PCDHA10: variants seen among roughly 807,000 people sequenced by gnomAD.
The protein encoded by PCDHA10 is protocadherin alpha-10.
Under a neutral mutation model 61.2 loss-of-function variants are expected in PCDHA10, and 45 were observed. That is an observed-to-expected ratio of 0.74 (90% CI 0.58 to 0.94). The LOEUF (loss-of-function observed/expected upper bound fraction) is 0.94, where lower values mean the gene tolerates loss of function less well. Among genes scored for constraint, PCDHA10 ranks in the 40% least tolerant of loss-of-function variants. The probability of loss-of-function intolerance (pLI) is 0.00; values close to 1 mark genes in which losing one functional copy is unlikely to be tolerated. For synonymous variants in PCDHA10, 602 were observed against 548.8 expected, an observed-to-expected ratio of 1.10 and a Z score of -1.35; for missense variants, 1,278 against 1,236.2, an observed-to-expected ratio of 1.03 and a Z score of -0.51.
intron 1 of PCDHA10, among the ~76,000 whole-genome samples, chr5:140,961,103 A>G (rs531762252): frequency 6.6e-6 from 1 of 152,254 alleles, no homozygotes; most frequent in South Asian, 2.1e-4. Context: ...TTGGTCACCC[A>G]ACCCCCTTGC....
chr5:141,000,393 CTCTATATA>C (rs1486021873), intron 3 of PCDHA10, among the ~76,000 whole-genome samples: 100 of 52,828 alleles, frequency 1.9e-3, no homozygotes, highest in Middle Eastern at 0.012. Context: ...CTCTCTCTCT[CTCTATATA>C]TATATATATA....
At chr5:140,862,972 C>T (rs1554157331) in intron 1 of PCDHA10, 1 of 545,254 alleles carries the variant, frequency 1.8e-6, no homozygotes, top group Non-Finnish European at 3.6e-6. Flanking sequence ...ATGCAGGCCA[C>T]TTGGTGGCGA....
chr5:140,998,059 C>T (rs1471709750), intron 3 of PCDHA10, among the ~76,000 whole-genome samples: 1 of 152,154 alleles, frequency 6.6e-6, no homozygotes, highest in East Asian at 1.9e-4. Context: ...ACATCATCAT[C>T]AACAGACTTA....
chr5:140,857,485 G>T lies in PCDHA10; in HGVS notation c.1437G>T (p.Trp479Cys), dbSNP rs1554150101. The change falls in exon 1 of 4, where the codon TGG becomes TGT. Residue 479 changes from tryptophan (W) to cysteine (C), a missense_variant. Physicochemically the swap from Trp to Cys is radical, Grantham distance 215. Coordinates refer to ENST00000307360, the MANE Select transcript of PCDHA10 (RefSeq NM_018901.4). ...PGCHIFTVSA[W>C]DADAQENALV... ...GCCACATCTTCACGGTGTCTGCGTG[G>T]GACGCGGACGCGCAGGAGAACGCCC... is the stretch of plus-strand genomic sequence containing the variant. 6.3e-7 allele frequency: 1 copy of T among 1,598,484 alleles called. No individual in the cohort carries two copies. The highest frequency in any genetic ancestry group is 1.7e-5 in the Admixed American group (1 of 59,352).
At position 140,858,178 on chromosome 5, in the gene PCDHA10, G is replaced by A. The variant is rs887914398; in HGVS notation, c.2130G>A (p.Val710=). The A allele has an allele frequency of 6.3e-7, 1 of 1,597,564 alleles. No individual in the cohort carries two copies. Among genetic ancestry groups the A allele is most frequent in the East Asian group, 2.2e-5 (1 of 44,822 alleles). The part of the protein sequence containing the change: ...IAICAVSSLL[V]LTLLLYTALR... Reference sequence around the variant, plus strand: ...TCTGCGCGGTGTCCAGCTTGCTGGTGCTCACGCTGCTGCTGTACACTGCAC... The same window carrying A: ...TCTGCGCGGTGTCCAGCTTGCTGGTACTCACGCTGCTGCTGTACACTGCAC... Residue 710 remains valine, a synonymous_variant, in exon 1 of 4, where the codon GTG becomes GTA. Coordinates refer to ENST00000307360, the MANE Select transcript of PCDHA10 (RefSeq NM_018901.4).
intron 3 of PCDHA10, among the ~76,000 whole-genome samples, chr5:141,002,107 C>T (rs991036721): frequency 6.6e-6 from 1 of 152,246 alleles, no homozygotes. Context: ...GGGCCGGAAA[C>T]GGCTATAATC....
intron 3 of PCDHA10, among the ~76,000 whole-genome samples, chr5:141,004,046 C>A (rs79317939): frequency 0.03 from 4,581 of 152,294 alleles, 86 homozygotes; most frequent in Non-Finnish European, 0.047. Flanking sequence ...TGATCATTTG[C>A]TGATACTGGC....
At chr5:140,971,435 T>A (rs1188604248) in intron 1 of PCDHA10, among the ~76,000 whole-genome samples, 1 of 152,190 alleles carries the variant, frequency 6.6e-6, no homozygotes, top group Non-Finnish European at 1.5e-5. Flanking sequence ...AACCCCAAGA[T>A]CTACAGCTCC....
At chr5:140,929,249 G>C (rs1212088369) in intron 1 of PCDHA10, 14 of 1,613,366 alleles carry the variant, frequency 8.7e-6, no homozygotes, top group Non-Finnish European at 1.2e-5. Flanking sequence ...CTTGCCACTG[G>C]GGTAGGACTG....
intron 1 of PCDHA10, among the ~76,000 whole-genome samples, chr5:140,910,102 A>G (rs1206018595): frequency 2.6e-5 from 4 of 152,184 alleles, no homozygotes; most frequent in African/African-American, 9.7e-5. Context: ...CCTCCCCTTC[A>G]TTTAAGGGAT....
intron 1 of PCDHA10, among the ~76,000 whole-genome samples, chr5:140,894,188 A>AT (rs1157134749): frequency 1.1e-4 from 17 of 152,072 alleles, no homozygotes; most frequent in African/African-American, 4.1e-4. Flanking sequence ...ATAGTTATAT[A>AT]TTTTTTCTAT....
intron 1 of PCDHA10, among the ~76,000 whole-genome samples, chr5:140,941,202 C>CTTTCTTTCTTTCTTTCTTTCTTT (rs1554213921): frequency 9.0e-5 from 11 of 122,780 alleles, no homozygotes; most frequent in East Asian, 8.9e-4. Flanking sequence ...TTTCTTTCTT[C>CTTTCTTTCTTTCTTTCTTTCTTT]CTTTCTTTCT....
chr5:141,000,385 CTCTCTCTCTCTA>C (rs1405113604), intron 3 of PCDHA10, among the ~76,000 whole-genome samples: 12 of 64,976 alleles, frequency 1.8e-4, no homozygotes, highest in Admixed American at 6.0e-4. Context: ...CTCTCTCTCT[CTCTCTCTCTCTA>C]TATATATATA....
chr5:140,903,401 T>C (rs577425497), intron 1 of PCDHA10, among the ~76,000 whole-genome samples: 1 of 152,218 alleles, frequency 6.6e-6, no homozygotes, highest in Non-Finnish European at 1.5e-5. Context: ...GAAACAGTAG[T>C]GCAGTCAGGA....
intron 1 of PCDHA10, chr5:140,927,060 CT>C: frequency 1.2e-6 from 2 of 1,611,446 alleles, no homozygotes; most frequent in Non-Finnish European, 1.7e-6. Context: ...GGAACTTTCG[CT>C]TCCTTTCCAG....
intron 1 of PCDHA10, among the ~76,000 whole-genome samples, chr5:140,965,161 G>A (rs151157194): frequency 1.5e-4 from 23 of 152,334 alleles, no homozygotes; most frequent in African/African-American, 5.5e-4. Flanking sequence ...GAGAAAGGAC[G>A]TTTTAGTGAG....
intron 1 of PCDHA10, chr5:140,927,454 G>A: frequency 6.2e-7 from 1 of 1,614,182 alleles, no homozygotes; most frequent in Non-Finnish European, 8.5e-7. Flanking sequence ...GTTGGTGTTG[G>A]AGAAAGCACT....
At chr5:140,873,861 A>AT (rs1198117759) in intron 1 of PCDHA10, among the ~76,000 whole-genome samples, 1 of 152,162 alleles carries the variant, frequency 6.6e-6, no homozygotes, top group Non-Finnish European at 1.5e-5. Context: ...GGTTTTCACC[A>AT]TGTTGGCCAG....
intron 1 of PCDHA10, among the ~76,000 whole-genome samples, chr5:140,977,477 A>G (rs919582107): frequency 4.6e-5 from 7 of 152,230 alleles, no homozygotes. Flanking sequence ...AGATAATTTT[A>G]TGCTATGTTA....
Sources: gnomAD v4.1 joint callset for allele counts (sites outside exome capture counted in the v4.1 genomes callset) on GRCh38, gnomAD v4.1.1 for gene constraint, MANE v1.5 for transcripts, NCBI Gene and HGNC (gene_info 2026-07-23, HGNC 2026-07-21) for gene names.